Variants in DLC1 observed in about 807,000 individuals in gnomAD.
DLC1 encodes rho GTPase-activating protein 7.
In DLC1, 54 loss-of-function variants were observed where a neutral mutation model predicts 140.3. The observed-to-expected ratio is 0.38, with a 90% CI of 0.31 to 0.48. The LOEUF (loss-of-function observed/expected upper bound fraction) is 0.48. Among genes scored for constraint, DLC1 ranks in the 20% least tolerant of loss-of-function variants. The pLI, the probability that DLC1 is intolerant of heterozygous loss-of-function variation, is 0.96. For missense variants in DLC1, 2,536 were observed against 1,907.0 expected (o/e 1.33, Z -6.14); for synonymous variants, 986 against 728.1 (o/e 1.35, Z -5.70).
rs200079415 is a variant in DLC1, at chr8:13,259,731, G to GA, written c.1348+45537dup. Among the ~76,000 whole-genome samples the GA allele has an allele frequency of 1.3e-4, 20 of 150,204 alleles. No homozygotes were observed. In the East Asian group the frequency reaches 2.2e-3, roughly 16 times the overall value. On this transcript the variant is annotated intron_variant, in intron 5 of 17. Transcript: ENST00000276297. ...TGAACTGGTGTGTGTTATGCAGCCT[G>GA]AAAAAAAACAACACTGGTAGCTATG...
rs1438310171 is a variant in DLC1 at position 13,560,952 on chromosome 8, AG to A, written c.-126+43584del. ...TTCAGTGATAATATCCTTTACAAAA[AG>A]GTCACTGAGATTATATATATATTTT... On this transcript the variant is annotated intron_variant, in intron 1 of 1. Transcript: ENST00000631382. Among the ~76,000 whole-genome samples, 8 of 152,194 alleles carry A rather than the reference AG, an allele frequency of 5.3e-5. No individual in the cohort carries two copies. In the East Asian group the frequency reaches 7.7e-4, roughly 15 times the overall value.
intron 5 of DLC1, among the ~76,000 whole-genome samples, chr8:13,183,851 C>G (rs530417670): frequency 6.6e-6 from 1 of 152,130 alleles, no homozygotes; most frequent in Non-Finnish European, 1.5e-5. Context: ...AGGGAGGATT[C>G]CCTCTTTTCT....
intron 4 of DLC1, among the ~76,000 whole-genome samples, chr8:13,358,055 G>T (rs1835030874): frequency 6.6e-6 from 1 of 152,100 alleles, no homozygotes. Context: ...CAAAAGAGAT[G>T]AAAATTTTCT....
chr8:13,422,872 G>T (rs1276130685), intron 2 of DLC1, among the ~76,000 whole-genome samples: 21 of 152,064 alleles, frequency 1.4e-4, no homozygotes, highest in Non-Finnish European at 3.1e-4. Context: ...GATTCTGATT[G>T]GGTGATATGG....
At chr8:13,329,534 C>CA (rs1312747511) in intron 4 of DLC1, among the ~76,000 whole-genome samples, 1 of 152,130 alleles carries the variant, frequency 6.6e-6, no homozygotes. Flanking sequence ...AACTACAGTT[C>CA]AGGGAAGCTA....
At chr8:13,491,531 C>T (rs189876631) in intron 2 of DLC1, among the ~76,000 whole-genome samples, 1 of 152,218 alleles carries the variant, frequency 6.6e-6, no homozygotes, top group East Asian at 1.9e-4. Flanking sequence ...TAACAGTTTC[C>T]TTTTCTACAC....
chr8:13,346,661 C>T (rs1031129141), intron 4 of DLC1, among the ~76,000 whole-genome samples: 5 of 152,200 alleles, frequency 3.3e-5, no homozygotes, highest in Admixed American at 6.5e-5. Flanking sequence ...ATTGTCCAGG[C>T]CGGGGATGTG....
chr8:13,325,416 C>CT (rs1462054933), intron 4 of DLC1, among the ~76,000 whole-genome samples: 2 of 152,112 alleles, frequency 1.3e-5, no homozygotes, highest in Admixed American at 1.3e-4. Context: ...ACTTTCCAAA[C>CT]AGGTAAACAT....
At chr8:13,537,757 C>T (rs1229115532) in intron 1 of DLC1, among the ~76,000 whole-genome samples, 1 of 150,142 alleles carries the variant, frequency 6.7e-6, no homozygotes, top group Non-Finnish European at 1.5e-5. Flanking sequence ...GGGTTCACGC[C>T]ATTCTCCTGC....
intron 2 of DLC1, among the ~76,000 whole-genome samples, chr8:13,438,395 T>C (rs917874720): frequency 1.3e-5 from 2 of 152,166 alleles, no homozygotes; most frequent in Admixed American, 1.3e-4. Context: ...GAATTGTCGC[T>C]TGCATTCTTT....
chr8:13,567,020 C>T (rs537888309), intron 1 of DLC1: 19 of 1,550,316 alleles, frequency 1.2e-5, no homozygotes, highest in African/African-American at 6.8e-5. Flanking sequence ...TTGGCCCAAA[C>T]GGACAAAAGT....
chr8:13,322,762 C>G (rs528832007), intron 4 of DLC1, among the ~76,000 whole-genome samples: 2 of 152,134 alleles, frequency 1.3e-5, no homozygotes, highest in African/African-American at 4.8e-5. Context: ...GATGGCAATT[C>G]TCATAGAGCT....
At chr8:13,136,553 G>A (rs961556467) in intron 5 of DLC1, among the ~76,000 whole-genome samples, 1 of 152,176 alleles carries the variant, frequency 6.6e-6, no homozygotes, top group African/African-American at 2.4e-5. Flanking sequence ...TGTTGCCGAG[G>A]CTGCAGCACA....
intron 5 of DLC1, among the ~76,000 whole-genome samples, chr8:13,169,114 T>C (rs1825293127): frequency 6.6e-6 from 1 of 152,216 alleles, no homozygotes; most frequent in African/African-American, 2.4e-5. Flanking sequence ...TGATATATAG[T>C]ACTTGGAAAT....
At chr8:13,555,738 G>A (rs879695925) in intron 1 of DLC1, among the ~76,000 whole-genome samples, 1 of 151,810 alleles carries the variant, frequency 6.6e-6, no homozygotes, top group Non-Finnish European at 1.5e-5. Context: ...CTGGCCTCAA[G>A]TGATCCTCTC....
At chr8:13,541,507 G>T (rs920890692) in intron 1 of DLC1, among the ~76,000 whole-genome samples, 1 of 152,026 alleles carries the variant, frequency 6.6e-6, no homozygotes, top group Non-Finnish European at 1.5e-5. Flanking sequence ...ATCTAATTGT[G>T]GTTTTAATTT....
chr8:13,199,186 T>C (rs982236754), intron 5 of DLC1, among the ~76,000 whole-genome samples: 110 of 140,268 alleles, frequency 7.8e-4, no homozygotes, highest in East Asian at 2.8e-3. Flanking sequence ...TCTTTTTTTT[T>C]TTTTTTTTTT....
At chr8:13,478,553 A>T (rs1800543199) in intron 2 of DLC1, among the ~76,000 whole-genome samples, 1 of 152,152 alleles carries the variant, frequency 6.6e-6, no homozygotes, top group African/African-American at 2.4e-5. Context: ...AAAATGCAAG[A>T]CATCCCGTTA....
chr8:13,125,628 G>T (rs930383751), intron 5 of DLC1, among the ~76,000 whole-genome samples: 5 of 152,080 alleles, frequency 3.3e-5, no homozygotes, highest in Non-Finnish European at 5.9e-5. Flanking sequence ...CCCCAGGTTA[G>T]GCCCTTCTTG....
Sources: allele counts gnomAD v4.1 joint callset (sites outside exome capture counted in the v4.1 genomes callset), GRCh38; gene constraint gnomAD v4.1.1; transcripts MANE v1.5; gene names NCBI Gene and HGNC (gene_info 2026-07-23, HGNC 2026-07-21).